The following ABCA13 variants were observed in gnomAD, a reference collection of about 807,000 sequenced individuals.
ABCA13 encodes the protein ATP binding cassette subfamily A member 13.
ABCA13 carries 476 observed loss-of-function variants against 478.7 expected under a neutral mutation model. The observed-to-expected ratio is 0.99, with a 90% CI of 0.92 to 1.07. ABCA13 has a LOEUF of 1.07. ABCA13 is among the 50% of genes least tolerant of loss of function. ABCA13 has a pLI of 0.00. For synonymous variants in ABCA13, 2,252 were observed against 2,158.9 expected (o/e 1.04, Z -1.20); for missense variants, 6,060 against 5,910.6 (o/e 1.03, Z -0.83).
At chr7:48,545,551 C>T (rs1041416389) in intron 55 of ABCA13, among the ~76,000 whole-genome samples, 6 of 151,430 alleles carry the variant, frequency 4.0e-5, no homozygotes, top group African/African-American at 1.2e-4. Flanking sequence ...TCTCACAGCT[C>T]ATATATCATT....
chr7:48,224,338 C>T (rs1249663570), intron 5 of ABCA13, among the ~76,000 whole-genome samples: 1 of 152,168 alleles, frequency 6.6e-6, no homozygotes, highest in Non-Finnish European at 1.5e-5. Flanking sequence ...GTCCCTTGTT[C>T]CAGGAAACAT....
At chr7:48,337,120 C>T (rs547229251) in intron 28 of ABCA13, among the ~76,000 whole-genome samples, 2 of 152,256 alleles carry the variant, frequency 1.3e-5, no homozygotes, top group East Asian at 3.9e-4. Context: ...TAAGTTGTTC[C>T]TCTATTTCTT....
chr7:48,474,655 G>A (rs1028638675), intron 45 of ABCA13, among the ~76,000 whole-genome samples: 1 of 152,144 alleles, frequency 6.6e-6, no homozygotes, highest in Non-Finnish European at 1.5e-5. Context: ...TGATTCTGAG[G>A]CTTATTTCTG....
chr7:48,360,816 A>C lies in ABCA13; in HGVS notation c.10689-6978A>C, dbSNP rs370736581. On this transcript the variant is annotated intron_variant, in intron 31 of 61. Coordinates refer to ENST00000435803, the MANE Select transcript of ABCA13 (RefSeq NM_152701.5). ...GTGTCATGCACTGTAATCGCATGAC[A>C]TATGTAGTAGGGAAAGATGTAGTCC... 3.9e-5 allele frequency among the ~76,000 whole-genome samples: 6 copies of C among 152,120 alleles called. No homozygotes were observed. The East Asian group carries it at 1.2e-3, about 29-fold the overall frequency.
intron 31 of ABCA13, 54 bp from the exon 32 acceptor site, chr7:48,367,740 T>A (rs1241923852): frequency 1.5e-6 from 2 of 1,366,646 alleles, no homozygotes; most frequent in African/African-American, 2.9e-5. Flanking sequence ...ATGTAAAAAA[T>A]TAGTAGAGTC....
chr7:48,179,293 C>G (rs572347089), intron 1 of ABCA13, among the ~76,000 whole-genome samples: 1 of 152,316 alleles, frequency 6.6e-6, no homozygotes, highest in African/African-American at 2.4e-5. Flanking sequence ...AACTGGTCCT[C>G]GTGAAAAGCA....
Position 48,279,009 on chromosome 7 carries a change from A to G in ABCA13, c.7815A>G (p.Glu2605=). 6.2e-7 allele frequency: 1 copy of G among 1,613,424 alleles called. No homozygotes were observed. Among genetic ancestry groups the G allele is most frequent in the Non-Finnish European group, 8.5e-7 (1 of 1,179,818 alleles). ...LDLAFEMIGV[E]PYISSNSDIF... is the part of the protein sequence containing the mutation. The stretch of plus-strand genomic sequence containing the variant: ...TGGCCTTTGAAATGATTGGGGTAGA[A>G]CCTTATATATCATCAAACTCTGATA... The change falls in exon 18 of 62, where the codon GAA becomes GAG. Residue 2605 remains glutamate, a synonymous_variant. Transcript: ENST00000435803.
chr7:48,276,480 T>G lies in ABCA13; in HGVS notation c.6814T>G (p.Phe2272Val). Residue 2272 changes from phenylalanine to valine, a missense_variant, in exon 17 of 62, where the codon TTC becomes GTC. Physicochemically the swap from Phe to Val is conservative, Grantham distance 50 (BLOSUM62 -1). Around this residue, in one of 3 missense-constraint regions of ABCA13, gnomAD observed 4,423 missense variants for 4,309.1 expected, o/e 1.03. Coordinates refer to ENST00000435803, the MANE Select transcript of ABCA13 (RefSeq NM_152701.5). ...CACAGAACAGTTTTTGAAAACATTCTTCTCCCTTTTTCTAAAGGAAGATTC... is the reference window on the plus strand; with the variant it reads ...CACAGAACAGTTTTTGAAAACATTCGTCTCCCTTTTTCTAAAGGAAGATTC... ...DFTEQFLKTF[F>V]SLFLKEDSEN... The G allele has an allele frequency of 6.2e-7, 1 of 1,607,648 alleles. No individual in the cohort carries two copies. Among genetic ancestry groups the G allele is most frequent in the Non-Finnish European group, 8.5e-7 (1 of 1,177,616 alleles).
At chr7:48,329,247 T>A (rs1358376128) in intron 27 of ABCA13, among the ~76,000 whole-genome samples, 19 of 152,228 alleles carry the variant, frequency 1.2e-4, no homozygotes, top group African/African-American at 2.4e-5. Context: ...ACGATGCTTC[T>A]TCTGCATTTG....
intron 48 of ABCA13, among the ~76,000 whole-genome samples, chr7:48,497,447 TAA>T (rs1363545845): frequency 3.3e-5 from 5 of 152,230 alleles, no homozygotes; most frequent in Non-Finnish European, 5.9e-5. Flanking sequence ...TTTCAACTGG[TAA>T]TATTCTGGCT....
intron 55 of ABCA13, among the ~76,000 whole-genome samples, chr7:48,544,543 T>G (rs77921559): frequency 0.14 from 21,222 of 151,690 alleles, 2,042 homozygotes; most frequent in African/African-American, 0.23. Flanking sequence ...CCCAAAACTG[T>G]GTTCAGGGAG....
At chr7:48,394,872 A>G (rs544555537) in intron 38 of ABCA13, among the ~76,000 whole-genome samples, 1 of 152,188 alleles carries the variant, frequency 6.6e-6, no homozygotes, top group East Asian at 1.9e-4. Context: ...TCAGGTGCAA[A>G]CAATGAAGCT....
At chr7:48,496,010 G>A (rs981369673) in intron 48 of ABCA13, among the ~76,000 whole-genome samples, 3 of 151,922 alleles carry the variant, frequency 2.0e-5, no homozygotes, top group Admixed American at 1.3e-4. Context: ...AGTGAGTTTT[G>A]TGTAGAGTGT....
At position 48,225,109 on chromosome 7, in the gene ABCA13, G is replaced by GTGCCTGCCTGCCTGCC. The variant is rs201750881; in HGVS notation, c.469-2139_469-2124dup. ...TATAGGCGTTAATCACCATGCGTGC[G>GTGCCTGCCTGCCTGCC]TGCCTGCCTGCCTGCCTGCCTGCCT... On this transcript the variant is annotated intron_variant, in intron 5 of 61. Transcript: ENST00000435803. 9.2e-3 allele frequency among the ~76,000 whole-genome samples: 1,047 copies of GTGCCTGCCTGCCTGCC among 113,556 alleles called. 35 individuals are homozygous for GTGCCTGCCTGCCTGCC. Among genetic ancestry groups the GTGCCTGCCTGCCTGCC allele is most frequent in the African/African-American group, 0.015 (429 of 28,002 alleles). 74.5% of individuals were successfully genotyped at this position (113,556 alleles called of 152,430 possible). A position where few individuals can be genotyped will look rare whatever the true frequency, so the allele number is the denominator to read the frequency against.
chr7:48,422,385 C>T (rs1159240020), intron 41 of ABCA13, among the ~76,000 whole-genome samples: 4 of 152,226 alleles, frequency 2.6e-5, no homozygotes, highest in Admixed American at 2.0e-4. Context: ...CCATTCTTTG[C>T]ATTCTGTTTA....
chr7:48,451,915 A>G (rs1336186392), intron 42 of ABCA13, among the ~76,000 whole-genome samples: 2 of 152,216 alleles, frequency 1.3e-5, no homozygotes, highest in Non-Finnish European at 2.9e-5. Flanking sequence ...CTTGAATATA[A>G]TTGCACTCAT....
chr7:48,350,848 C>G, intron 30 of ABCA13, 29 bp downstream of exon 30: 1 of 1,593,512 alleles, frequency 6.3e-7, no homozygotes, highest in Non-Finnish European at 8.6e-7. Context: ...AATATGTTCG[C>G]CAAGATGCCA....
intron 51 of ABCA13, among the ~76,000 whole-genome samples, chr7:48,511,526 A>C (rs534388122): frequency 2.6e-5 from 4 of 152,200 alleles, no homozygotes; most frequent in African/African-American, 7.2e-5. Context: ...ACATAATCCA[A>C]TTAACTCGGA....
chr7:48,243,356 T>A (rs1405741673), intron 10 of ABCA13, among the ~76,000 whole-genome samples: 1 of 152,216 alleles, frequency 6.6e-6, no homozygotes, highest in Non-Finnish European at 1.5e-5. Context: ...TGCTTCCTTC[T>A]CAGTGTAATC....
Sources: gnomAD v4.1 joint callset for allele counts (sites outside exome capture counted in the v4.1 genomes callset) on GRCh38, gnomAD v4.1.1 for gene constraint, gnomAD v4.1.1 regional missense constraint, MANE v1.5 for transcripts, NCBI Gene and HGNC (gene_info 2026-07-23, HGNC 2026-07-21) for gene names.